The following SLC35F3 variants were observed in gnomAD, a reference collection of about 807,000 sequenced individuals.
SLC35F3 encodes putative thiamine transporter SLC35F3.
SLC35F3 carries 25 observed loss-of-function variants against 49.9 expected under a neutral mutation model. The ratio of observed to expected loss-of-function variants is 0.50; its 90% CI spans 0.37 to 0.70. The LOEUF (loss-of-function observed/expected upper bound fraction) is 0.70, where lower values mean the gene tolerates loss of function less well. SLC35F3 is among the 30% of genes least tolerant of loss of function. The pLI is 0.00. For missense variants in SLC35F3, 525 were observed against 639.8 expected (o/e 0.82, Z 1.94); for synonymous variants, 275 against 265.4 (o/e 1.04, Z -0.35).
chr1:234,280,820 A>G (rs953610221), intron 3 of SLC35F3, among the ~76,000 whole-genome samples: 8 of 152,198 alleles, frequency 5.3e-5, no homozygotes, highest in Admixed American at 5.2e-4. Context: ...GAGAGATTGA[A>G]CAACTTGTCA....
chr1:234,232,540 AGAAAAAG>A (rs1384726087), intron 3 of SLC35F3, among the ~76,000 whole-genome samples: 5 of 132,806 alleles, frequency 3.8e-5, no homozygotes, highest in East Asian at 2.0e-4. Flanking sequence ...AAAAAAAAAA[AGAAAAAG>A]AAAAAAAGAA....
At chr1:234,114,864 C>T (rs1453841355) in intron 2 of SLC35F3, among the ~76,000 whole-genome samples, 1 of 152,002 alleles carries the variant, frequency 6.6e-6, no homozygotes, top group East Asian at 1.9e-4. Flanking sequence ...ATGCGGCGTG[C>T]ATTTGAGATG....
In SLC35F3 at chr1:234,245,864, T is replaced by A. The variant is rs117898470; in HGVS notation, c.608+14123T>A. 3.6e-3 allele frequency among the ~76,000 whole-genome samples: 542 copies of A among 152,304 alleles called. 19 individuals are homozygous for A. In the South Asian group the frequency reaches 0.056, roughly 16 times the overall value. On this transcript the variant is annotated intron_variant, in intron 3 of 7. Coordinates refer to ENST00000366618, the MANE Select transcript of SLC35F3 (RefSeq NM_173508.4). ...CAGCTCAGAGCCCCAGAGGGATCAG[T>A]GGACACACAGCAGAAACTCCATTCC...
intron 2 of SLC35F3, among the ~76,000 whole-genome samples, chr1:234,181,979 A>T (rs1324389269): frequency 6.6e-6 from 1 of 152,226 alleles, no homozygotes; most frequent in Non-Finnish European, 1.5e-5. Context: ...AAACTTCTGT[A>T]AAGAGAAGCT....
At chr1:234,271,834 A>G (rs1668111130) in intron 3 of SLC35F3, among the ~76,000 whole-genome samples, 1 of 152,198 alleles carries the variant, frequency 6.6e-6, no homozygotes, top group Admixed American at 6.5e-5. Context: ...AAATGTGTGA[A>G]GAGAACAAGG....
At position 233,906,302 on chromosome 1, in the gene SLC35F3, G is replaced by A. The variant is rs72751779; in HGVS notation, c.283+544G>A. ...CGGTCTTCAGTAAGGAGGTTCTATA[G>A]GGATCATTCTAGATAGTGGTGTTGG... On this transcript the variant is annotated intron_variant, in intron 2 of 7. Transcript: ENST00000366618. Among the ~76,000 whole-genome samples the A allele has an allele frequency of 8.7e-3, 1,329 of 152,246 alleles. 8 individuals are homozygous for A. The highest frequency in any genetic ancestry group is 0.015 in the South Asian group (73 of 4,820).
intron 2 of SLC35F3, among the ~76,000 whole-genome samples, chr1:234,203,723 G>C (rs569941496): frequency 9.6e-5 from 14 of 146,314 alleles, no homozygotes; most frequent in South Asian, 6.5e-4. Flanking sequence ...AAAAAAAAAA[G>C]AATGGCTTCA....
At chr1:233,978,450 C>A (rs1572006048) in intron 2 of SLC35F3, among the ~76,000 whole-genome samples, 1 of 152,082 alleles carries the variant, frequency 6.6e-6, no homozygotes, top group East Asian at 1.9e-4. Context: ...ATTTGTTTTC[C>A]AAAGAACCTG....
intron 2 of SLC35F3, among the ~76,000 whole-genome samples, chr1:234,020,888 C>T (rs1663883980): frequency 6.6e-6 from 1 of 152,194 alleles, no homozygotes; most frequent in Admixed American, 6.5e-5. Context: ...TTTAAAGATA[C>T]TATTTAGCAA....
At chr1:234,268,262 G>A (rs1366375998) in intron 3 of SLC35F3, among the ~76,000 whole-genome samples, 2 of 152,188 alleles carry the variant, frequency 1.3e-5, no homozygotes, top group African/African-American at 2.4e-5. Context: ...AGACCAGCCC[G>A]GCCAACACAG....
chr1:233,908,979 C>T (rs1324397934), intron 2 of SLC35F3, among the ~76,000 whole-genome samples: 17 of 151,878 alleles, frequency 1.1e-4, no homozygotes, highest in Admixed American at 1.1e-3. Flanking sequence ...CCTCAGCTTC[C>T]TCCTGAGTAG....
At chr1:234,050,469 A>C (rs973429915) in intron 2 of SLC35F3, among the ~76,000 whole-genome samples, 1 of 152,138 alleles carries the variant, frequency 6.6e-6, no homozygotes, top group Non-Finnish European at 1.5e-5. Context: ...TCCTTTGCCC[A>C]CTTTTTGATG....
chr1:234,177,946 C>T (rs552285407), intron 2 of SLC35F3, among the ~76,000 whole-genome samples: 7 of 152,256 alleles, frequency 4.6e-5, no homozygotes, highest in South Asian at 2.1e-4. Flanking sequence ...CATTTCTCAC[C>T]GCCAAACAAG....
intron 2 of SLC35F3, among the ~76,000 whole-genome samples, chr1:233,983,912 A>G (rs1378895798): frequency 3.9e-5 from 6 of 152,346 alleles, no homozygotes; most frequent in African/African-American, 1.2e-4. Context: ...ACCACATGGT[A>G]TGACACCAAG....
At chr1:234,296,386 G>C (rs2102988214) in intron 3 of SLC35F3, among the ~76,000 whole-genome samples, 1 of 152,218 alleles carries the variant, frequency 6.6e-6, no homozygotes, top group East Asian at 1.9e-4. Flanking sequence ...ATTCAGAGTA[G>C]ATTTATTCCA....
At chr1:233,922,675 G>T (rs1349006209) in intron 2 of SLC35F3, among the ~76,000 whole-genome samples, 5 of 151,944 alleles carry the variant, frequency 3.3e-5, no homozygotes, top group Non-Finnish European at 7.4e-5. Flanking sequence ...GTCAATTTTG[G>T]CTTTTGTTGC....
chr1:234,292,401 G>A (rs548429639), intron 3 of SLC35F3, among the ~76,000 whole-genome samples: 18 of 152,276 alleles, frequency 1.2e-4, no homozygotes, highest in South Asian at 2.1e-4. Context: ...CAAGCATGTC[G>A]GAGTTATTTA....
chr1:234,111,337 G>A (rs1327424940), intron 2 of SLC35F3, among the ~76,000 whole-genome samples: 1 of 152,014 alleles, frequency 6.6e-6, no homozygotes, highest in Non-Finnish European at 1.5e-5. Flanking sequence ...TTTTGCCCAG[G>A]CTGGAGTGTA....
In SLC35F3 at chr1:234,156,886, A is replaced by T. The variant is rs542870146; in HGVS notation, c.284-74531A>T. Among the ~76,000 whole-genome samples the T allele has an allele frequency of 3.8e-4, 58 of 152,312 alleles. 1 individual carries two copies. The South Asian group carries it at 8.9e-3, about 23-fold the overall frequency. ...AAAAGGGCACATGTTGTATAACACCATTTAAATGAGGTGTCCAGATTAGGT... is the reference window on the plus strand; with the variant it reads ...AAAAGGGCACATGTTGTATAACACCTTTTAAATGAGGTGTCCAGATTAGGT... On this transcript the variant is annotated intron_variant, in intron 2 of 7. Coordinates refer to ENST00000366618, the MANE Select transcript of SLC35F3 (RefSeq NM_173508.4).
Sources: gnomAD v4.1 joint callset for allele counts (sites outside exome capture counted in the v4.1 genomes callset) on GRCh38, gnomAD v4.1.1 for gene constraint, MANE v1.5 for transcripts, NCBI Gene and HGNC (gene_info 2026-07-23, HGNC 2026-07-21) for gene names.